The following LAMA2 variants were observed in gnomAD, a reference collection of about 807,000 sequenced individuals.
The protein encoded by LAMA2 is laminin subunit alpha-2.
LAMA2 carries 269 observed loss-of-function variants against 364.8 expected under a neutral mutation model. That is an observed-to-expected ratio of 0.74 (90% confidence interval 0.67 to 0.82). The LOEUF is 0.82. Ranked by LOEUF, LAMA2 falls within the 40% of genes least tolerant of loss-of-function variation. The pLI, the probability that LAMA2 is intolerant of heterozygous loss-of-function variation, is 0.00. For synonymous variants in LAMA2, 1,379 were observed against 1,370.6 expected, an observed-to-expected ratio of 1.01 and a Z score of -0.14; for missense variants, 3,807 against 3,873.2, an observed-to-expected ratio of 0.98 and a Z score of 0.45.
chr6:129,489,843 T>A (rs563756620), intron 56 of LAMA2, among the ~76,000 whole-genome samples: 1 of 151,864 alleles, frequency 6.6e-6, no homozygotes, highest in Non-Finnish European at 1.5e-5. Flanking sequence ...TTAAAAAAAA[T>A]CTTAAACCCA....
At chr6:129,200,124 G>GTA (rs374459440) in intron 12 of LAMA2, among the ~76,000 whole-genome samples, 2 of 105,994 alleles carry the variant, frequency 1.9e-5, no homozygotes, top group Non-Finnish European at 3.9e-5. Flanking sequence ...ATATATATGT[G>GTA]TATATATATA....
intron 55 of LAMA2, 143 bp downstream of exon 55, chr6:129,481,582 G>A: frequency 6.8e-6 from 5 of 739,510 alleles, no homozygotes; most frequent in Non-Finnish European, 1.2e-5. Context: ...TTTCCATGCT[G>A]GCCTCCTATT....
intron 14 of LAMA2, among the ~76,000 whole-genome samples, chr6:129,254,609 A>G (rs972497755): frequency 1.3e-5 from 2 of 152,346 alleles, no homozygotes; most frequent in African/African-American, 2.4e-5. Context: ...TGGCATTTCC[A>G]TACATATGAC....
chr6:129,386,835 T>C (rs1779044004), intron 35 of LAMA2, among the ~76,000 whole-genome samples: 1 of 152,164 alleles, frequency 6.6e-6, no homozygotes, highest in African/African-American at 2.4e-5. Flanking sequence ...TCTCATTTAA[T>C]CCAAAAAGAT....
chr6:129,135,465 A>G (rs921624481), intron 4 of LAMA2, among the ~76,000 whole-genome samples: 1 of 152,224 alleles, frequency 6.6e-6, no homozygotes, highest in Non-Finnish European at 1.5e-5. Flanking sequence ...TTAATCTTAT[A>G]TGAGTTCATA....
chr6:128,908,075 A>G (rs1227124738), intron 1 of LAMA2, among the ~76,000 whole-genome samples: 31 of 151,584 alleles, frequency 2.0e-4, no homozygotes, highest in African/African-American at 7.0e-4. Context: ...ATGTTCATCA[A>G]GGATATTGGT....
chr6:129,125,297 AATAG>A (rs1049957320), intron 4 of LAMA2, among the ~76,000 whole-genome samples: 4 of 152,214 alleles, frequency 2.6e-5, no homozygotes, highest in Non-Finnish European at 4.4e-5. Context: ...GGTGAAGCTG[AATAG>A]ATAGTGTATA....
At chr6:129,291,989 C>T (rs931442209) in intron 20 of LAMA2, among the ~76,000 whole-genome samples, 4 of 152,156 alleles carry the variant, frequency 2.6e-5, no homozygotes, top group East Asian at 1.9e-4. Flanking sequence ...AAATAGCAGG[C>T]GAATTTAATC....
intron 1 of LAMA2, among the ~76,000 whole-genome samples, chr6:128,979,649 C>T (rs577251325): frequency 6.6e-6 from 1 of 152,306 alleles, no homozygotes; most frequent in Admixed American, 6.5e-5. Context: ...AACTATCTTG[C>T]AAGGCTCTAC....
At position 129,190,264 on chromosome 6, in the gene LAMA2, G is replaced by C. The variant is rs778934070; in HGVS notation, c.1527G>C (p.Glu509Asp). The C allele has an allele frequency of 6.2e-7, 1 of 1,613,716 alleles. No homozygotes were observed. Among genetic ancestry groups the C allele is most frequent in the Non-Finnish European group, 8.5e-7 (1 of 1,179,644 alleles). The change falls in exon 11 of 65, where the codon GAG (glutamate) becomes GAC (aspartate). Residue 509 changes from glutamate (E) to aspartate (D), a missense_variant. By Grantham distance (45) the Glu-to-Asp change is conservative. Transcript: ENST00000421865. ...RCKSGFFNLQ[E>D]DNWKGCDECF... ...AATCCGGCTTCTTCAATTTGCAAGA[G>C]GATAATTGGAAAGGCTGCGATGAGT...
At chr6:129,405,449 T>G (rs957475457) in intron 40 of LAMA2, among the ~76,000 whole-genome samples, 1 of 152,152 alleles carries the variant, frequency 6.6e-6, no homozygotes, top group East Asian at 1.9e-4. Flanking sequence ...TTACCACCCA[T>G]GCTTATACAT....
At chr6:129,061,928 A>G (rs1788950306) in intron 3 of LAMA2, among the ~76,000 whole-genome samples, 2 of 152,230 alleles carry the variant, frequency 1.3e-5, no homozygotes, top group South Asian at 2.1e-4. Flanking sequence ...CTGTGTGTGT[A>G]GAAGAAGGGG....
At chr6:129,184,331 G>A (rs1219347753) in intron 10 of LAMA2, among the ~76,000 whole-genome samples, 1 of 151,878 alleles carries the variant, frequency 6.6e-6, no homozygotes, top group African/African-American at 2.4e-5. Flanking sequence ...TGGCATAAAA[G>A]GTTCATGCAT....
chr6:129,332,515 A>T lies in LAMA2; in HGVS notation c.4311+4103A>T, dbSNP rs573529347. 4.5e-4 allele frequency among the ~76,000 whole-genome samples: 69 copies of T among 152,216 alleles called. 1 individual carries two copies. In the South Asian group the frequency reaches 0.014, roughly 32 times the overall value. On this transcript the variant is annotated intron_variant, in intron 29 of 64. Transcript: ENST00000421865. Reference sequence around the variant, plus strand: ...TGCACTATTTTAATCTCTTCCACAAATTTTAATTACAATCAAAATTACTGG... The same window carrying T: ...TGCACTATTTTAATCTCTTCCACAATTTTTAATTACAATCAAAATTACTGG...
At chr6:129,008,120 A>G (rs2114689235) in intron 1 of LAMA2, among the ~76,000 whole-genome samples, 1 of 152,298 alleles carries the variant, frequency 6.6e-6, no homozygotes, top group African/African-American at 2.4e-5. Flanking sequence ...CAATGACAAC[A>G]CGCTTATTTT....
At chr6:129,281,337 A>T (rs1047605799) in intron 18 of LAMA2, among the ~76,000 whole-genome samples, 4 of 152,116 alleles carry the variant, frequency 2.6e-5, no homozygotes, top group Admixed American at 6.6e-5. Flanking sequence ...ACTACAGGCA[A>T]CCTTTTTTTA....
At chr6:129,510,076 C>A (rs760657612) in intron 62 of LAMA2, among the ~76,000 whole-genome samples, 4 of 152,034 alleles carry the variant, frequency 2.6e-5, no homozygotes, top group Non-Finnish European at 5.9e-5. Flanking sequence ...CAAGGATGCC[C>A]ACTCTCACCA....
intron 1 of LAMA2, among the ~76,000 whole-genome samples, chr6:128,934,061 T>G (rs1308794327): frequency 5.3e-5 from 8 of 152,260 alleles, no homozygotes. Context: ...AGAAGCTTTA[T>G]GGTTTCAGGT....
At chr6:129,399,136 G>A (rs972721362) in intron 37 of LAMA2, among the ~76,000 whole-genome samples, 8 of 151,934 alleles carry the variant, frequency 5.3e-5, no homozygotes, top group African/African-American at 1.7e-4. Flanking sequence ...AGCAACTCCC[G>A]GCAAAAGTAA....
Sources: allele counts gnomAD v4.1 joint callset (sites outside exome capture counted in the v4.1 genomes callset), GRCh38; gene constraint gnomAD v4.1.1; transcripts MANE v1.5; gene names NCBI Gene and HGNC (gene_info 2026-07-23, HGNC 2026-07-21).